USH2A: variants seen among roughly 807,000 people sequenced by gnomAD.
USH2A encodes the protein Usher syndrome 2A (autosomal recessive, mild).
USH2A carries 443 observed loss-of-function variants against 538.9 expected under a neutral mutation model. That is an observed-to-expected ratio of 0.82 (90% CI 0.76 to 0.89). The LOEUF is 0.89. Ranked by LOEUF, USH2A falls within the 40% of genes least tolerant of loss-of-function variation. The probability of loss-of-function intolerance (pLI) is 0.00; values close to 1 mark genes in which losing one functional copy is unlikely to be tolerated. For missense variants in USH2A, 6,633 were observed against 6,324.8 expected, an observed-to-expected ratio of 1.05 and a Z score of -1.65; for synonymous variants, 2,413 against 2,273.5, an observed-to-expected ratio of 1.06 and a Z score of -1.75.
At chr1:216,214,017 T>C (rs2102491375) in intron 15 of USH2A, among the ~76,000 whole-genome samples, 1 of 152,172 alleles carries the variant, frequency 6.6e-6, no homozygotes, top group Non-Finnish European at 1.5e-5. Context: ...ACACACTCAC[T>C]GAATGGCTAT....
intron 22 of USH2A, among the ~76,000 whole-genome samples, chr1:216,090,524 A>G (rs2032273794): frequency 6.6e-6 from 1 of 151,760 alleles, no homozygotes. Context: ...AGACAACTCC[A>G]TCAGCTAGAA....
chr1:215,713,658 C>T (rs1309258545), intron 61 of USH2A, among the ~76,000 whole-genome samples: 1 of 152,202 alleles, frequency 6.6e-6, no homozygotes, highest in East Asian at 1.9e-4. Flanking sequence ...TCCCAAAAGC[C>T]TTCTCTGAAC....
At position 215,724,326 on chromosome 1, in the gene USH2A, T is replaced by C. The variant is rs184670035; in HGVS notation, c.12066+3704A>G. 3.7e-3 allele frequency among the ~76,000 whole-genome samples: 556 copies of C among 152,102 alleles called. 1 individual carries two copies. Among genetic ancestry groups the C allele is most frequent in the African/African-American group, 0.013 (541 of 41,506 alleles). ...TCTTTTGCAGCAACATGGATGGAAC[T>C]AGAGGCCATTATCCTCATGAAGTAA... is the stretch of plus-strand genomic sequence containing the variant. On this transcript the variant is annotated intron_variant, in intron 61 of 71. Coordinates refer to ENST00000307340, the MANE Select transcript of USH2A (RefSeq NM_206933.4).
rs372259897 is a variant in USH2A, at chr1:216,209,795, A to G, written c.3158-2364T>C. On this transcript the variant is annotated intron_variant, in intron 15 of 71. Transcript: ENST00000307340. ...CCTGAAGCAGCTTCAGAACAATTTA[A>G]GAGTGATACAGGTGAAGGACAGTCT... Among the ~76,000 whole-genome samples, 15 of 152,318 alleles carry G rather than the reference A, an allele frequency of 9.8e-5. 1 individual carries two copies. The highest frequency in any genetic ancestry group is 3.9e-4 in the Admixed American group (6 of 15,302).
chr1:215,642,952 C>A (rs1036042773), intron 67 of USH2A, among the ~76,000 whole-genome samples: 4 of 152,146 alleles, frequency 2.6e-5, no homozygotes, highest in African/African-American at 9.7e-5. Flanking sequence ...GCTGAGTGTA[C>A]ATGTGATCAC....
chr1:215,809,972 G>A (rs1408969475), intron 49 of USH2A, among the ~76,000 whole-genome samples: 1 of 152,100 alleles, frequency 6.6e-6, no homozygotes, highest in East Asian at 1.9e-4. Flanking sequence ...CAAAGACCAC[G>A]GGGCTGAGGA....
At chr1:215,938,724 T>C (rs1666565025) in intron 37 of USH2A, among the ~76,000 whole-genome samples, 1 of 152,128 alleles carries the variant, frequency 6.6e-6, no homozygotes, top group Non-Finnish European at 1.5e-5. Flanking sequence ...ACCCAAGCAC[T>C]GTGATTTGAA....
At chr1:216,317,711 C>G (rs999414510) in intron 9 of USH2A, among the ~76,000 whole-genome samples, 1 of 151,450 alleles carries the variant, frequency 6.6e-6, no homozygotes, top group Non-Finnish European at 1.5e-5. Context: ...AAGTTAGCCG[C>G]GTGTGGTGGT....
intron 11 of USH2A, among the ~76,000 whole-genome samples, chr1:216,276,814 C>A (rs1216579606): frequency 6.6e-5 from 10 of 152,036 alleles, no homozygotes. Flanking sequence ...TTCATTATCA[C>A]AAGAACAGCA....
chr1:216,173,939 T>C (rs1304283447), intron 21 of USH2A: 2 of 977,096 alleles, frequency 2.0e-6, no homozygotes, highest in Non-Finnish European at 2.4e-6. Context: ...ACCTTTTTTT[T>C]CTTTTCTTTT....
At chr1:215,636,758 G>A (rs961237633) in intron 69 of USH2A, among the ~76,000 whole-genome samples, 1 of 152,010 alleles carries the variant, frequency 6.6e-6, no homozygotes, top group African/African-American at 2.4e-5. Context: ...CTTCAGGCAA[G>A]GGAACAGGAA....
intron 41 of USH2A, among the ~76,000 whole-genome samples, chr1:215,883,286 T>C (rs1417411358): frequency 6.6e-6 from 1 of 152,118 alleles, no homozygotes; most frequent in African/African-American, 2.4e-5. Context: ...CCTATGCATA[T>C]TAAGGTGAAA....
intron 44 of USH2A, among the ~76,000 whole-genome samples, chr1:215,860,319 A>G (rs1203373507): frequency 1.3e-5 from 2 of 152,236 alleles, no homozygotes; most frequent in Non-Finnish European, 2.9e-5. Flanking sequence ...ATTAGAGGTC[A>G]GCAAGCTATG....
intron 21 of USH2A, among the ~76,000 whole-genome samples, chr1:216,112,605 C>A (rs536868821): frequency 6.6e-6 from 1 of 152,040 alleles, no homozygotes; most frequent in African/African-American, 2.4e-5. Flanking sequence ...TGCTCCTCTC[C>A]CTTCTGCCTC....
chr1:216,084,653 A>C, intron 25 of USH2A, 45 bp downstream of exon 25: 1 of 1,598,534 alleles, frequency 6.3e-7, no homozygotes, highest in Non-Finnish European at 8.5e-7. Flanking sequence ...CAAAGGATAG[A>C]ACATAGATTT....
At chr1:216,023,459 CAAAAAAAA>C in intron 32 of USH2A, among the ~76,000 whole-genome samples, 9 of 46,952 alleles carry the variant, frequency 1.9e-4, no homozygotes, top group East Asian at 7.8e-4. Flanking sequence ...TCAAAGCAGA[CAAAAAAAA>C]AAAAAAAAAA....
intron 21 of USH2A, among the ~76,000 whole-genome samples, chr1:216,136,090 T>C (rs1307938550): frequency 6.6e-6 from 1 of 152,116 alleles, no homozygotes; most frequent in African/African-American, 2.4e-5. Context: ...TGAAGTCACA[T>C]AGAATGTTGA....
chr1:215,940,267 G>A (rs1178044288), intron 37 of USH2A, among the ~76,000 whole-genome samples: 1 of 152,028 alleles, frequency 6.6e-6, no homozygotes, highest in Non-Finnish European at 1.5e-5. Flanking sequence ...TTTTAGAGTT[G>A]TTCAGTTCCA....
intron 61 of USH2A, among the ~76,000 whole-genome samples, chr1:215,722,319 T>C (rs534830240): frequency 1.2e-4 from 18 of 152,276 alleles, no homozygotes; most frequent in African/African-American, 4.3e-4. Flanking sequence ...AGTATTTCTG[T>C]TGTCTAATAA....
Sources: allele counts gnomAD v4.1 joint callset (sites outside exome capture counted in the v4.1 genomes callset), GRCh38; gene constraint gnomAD v4.1.1; transcripts MANE v1.5; gene names NCBI Gene and HGNC (gene_info 2026-07-23, HGNC 2026-07-21).